AHCTF1: variants seen among roughly 807,000 people sequenced by gnomAD.
AHCTF1 encodes protein ELYS.
In AHCTF1, 24 loss-of-function variants were observed where a neutral mutation model predicts 248.4. The ratio of observed to expected loss-of-function variants is 0.10; its 90% CI spans 0.07 to 0.14. The LOEUF is 0.14. Among genes scored for constraint, AHCTF1 ranks in the 10% least tolerant of loss-of-function variants. The probability of loss-of-function intolerance (pLI) is 1.00; values close to 1 mark genes in which losing one functional copy is unlikely to be tolerated. For missense variants in AHCTF1, 2,206 were observed against 2,636.2 expected (o/e 0.84, Z 3.57); for synonymous variants, 786 against 929.8 (o/e 0.85, Z 2.81).
At chr1:246,869,257 C>T (rs897389955) in intron 24 of AHCTF1, among the ~76,000 whole-genome samples, 6 of 152,082 alleles carry the variant, frequency 3.9e-5, no homozygotes, top group South Asian at 2.1e-4. Context: ...ACTGTTCCCC[C>T]GCGTCTCTCC....
chr1:246,929,328 G>T (rs1167558095), intron 1 of AHCTF1, among the ~76,000 whole-genome samples: 1 of 152,174 alleles, frequency 6.6e-6, no homozygotes, highest in Non-Finnish European at 1.5e-5. Context: ...AGAATCGCTT[G>T]AGCCCTGGAG....
At chr1:246,924,152 C>T (rs189251390) in intron 1 of AHCTF1, among the ~76,000 whole-genome samples, 113 of 152,200 alleles carry the variant, frequency 7.4e-4, no homozygotes, top group Non-Finnish European at 1.4e-3. Flanking sequence ...CAAACTGAAA[C>T]CTGTGGTAAA....
chr1:246,901,165 C>A (rs529403161), intron 8 of AHCTF1, among the ~76,000 whole-genome samples: 1 of 151,994 alleles, frequency 6.6e-6, no homozygotes, highest in Admixed American at 6.6e-5. Flanking sequence ...ACAGCAAAAA[C>A]CTCATCTCTA....
rs1476104465 is a variant in AHCTF1 at position 246,843,490 on chromosome 1, G to C, written c.6525+305C>G. Among the ~76,000 whole-genome samples the C allele has an allele frequency of 2.6e-5, 4 of 152,076 alleles. No individual in the cohort carries two copies. In the East Asian group the frequency reaches 7.7e-4, roughly 29 times the overall value. ...CAACTATTTCTTTAAAAAACACCCA[G>C]GTAATTCTGATGGACACTAGAATTT... On this transcript the variant is annotated intron_variant, in intron 34 of 35. Transcript: ENST00000648844.
intron 33 of AHCTF1, among the ~76,000 whole-genome samples, chr1:246,848,390 A>G (rs1660442537): frequency 6.7e-6 from 1 of 150,364 alleles, no homozygotes; most frequent in Non-Finnish European, 1.5e-5. Flanking sequence ...ATTTCTTTGT[A>G]TTTTTTTTAG....
Position 246,918,337 on chromosome 1 carries a change from G to C in AHCTF1, c.34C>G (p.Leu12Val). Residue 12 changes from leucine (L) to valine (V), a missense_variant, in exon 2 of 36, where the codon CTC becomes GTC. Leu to Val is a conservative substitution (Grantham distance 32). Transcript: ENST00000648844. ...RDLRAQVTSG[L>V]LPFPEVTLQA... The stretch of plus-strand genomic sequence containing the variant: ...AGAGTCACTTCTGGAAATGGCAGGA[G>C]ACCACTAGTCACTTGAGCTCTTAAG... 2.5e-6 allele frequency: 4 copies of C among 1,612,936 alleles called. No homozygotes were observed. The highest frequency in any genetic ancestry group is 2.5e-6 in the Non-Finnish European group (3 of 1,179,538).
chr1:246,849,853 C>G lies in AHCTF1; in HGVS notation c.6153G>C (p.Lys2051Asn). ...AACGTTTTTGGCTTTGACTTTCAGT[C>G]TTTTTTGTAAGTTTTTTCTTAGAGC... ...VMSSKKKLTK[K>N]TESQSQKRSL... The change falls in exon 33 of 36, where the codon AAG becomes AAC. Residue 2051 changes from lysine (K) to asparagine (N), a missense_variant. Lys to Asn is a moderately conservative substitution (Grantham distance 94, BLOSUM62 0). Transcript: ENST00000648844. 6.2e-7 allele frequency: 1 copy of G among 1,613,826 alleles called. No individual in the cohort carries two copies. The highest frequency in any genetic ancestry group is 1.1e-5 in the South Asian group (1 of 91,076).
At chr1:246,842,374 G>A (rs1242288331) in intron 35 of AHCTF1, among the ~76,000 whole-genome samples, 1 of 151,956 alleles carries the variant, frequency 6.6e-6, no homozygotes, top group Non-Finnish European at 1.5e-5. Context: ...TTGAGACCAG[G>A]AGTTTGAGAC....
chr1:246,920,654 C>T lies in AHCTF1; in HGVS notation c.-7-2277G>A, dbSNP rs146554120. ...GCGTGGTGGCGGGCGCCTGTAGTTC[C>T]AGCTACTCGGGAGGCTGAGGCAGGA... On this transcript the variant is annotated intron_variant, in intron 1 of 35. Transcript: ENST00000648844. Among the ~76,000 whole-genome samples the T allele has an allele frequency of 6.9e-3, 1,051 of 151,946 alleles. 10 individuals carry two copies. The highest frequency in any genetic ancestry group is 0.024 in the African/African-American group (997 of 41,428).
At chr1:246,899,388 T>C in intron 11 of AHCTF1, 63 bp downstream of exon 11, 1 of 1,352,146 alleles carries the variant, frequency 7.4e-7, no homozygotes. Context: ...CTTAAATCCA[T>C]AAATCAACTA....
At chr1:246,864,477 T>A (rs1691251) in intron 26 of AHCTF1, among the ~76,000 whole-genome samples, 2 of 151,998 alleles carry the variant, frequency 1.3e-5, no homozygotes, top group Non-Finnish European at 2.9e-5. Flanking sequence ...CCTGGCAATC[T>A]ATTTACTAAA....
intron 1 of AHCTF1, among the ~76,000 whole-genome samples, chr1:246,923,551 G>A (rs1278707346): frequency 6.6e-6 from 1 of 152,220 alleles, no homozygotes; most frequent in Non-Finnish European, 1.5e-5. Flanking sequence ...AAGTTCAGCA[G>A]ATGGTAAAAA....
At chr1:246,863,887 T>C in intron 27 of AHCTF1, 37 bp downstream of exon 27, 1 of 1,593,676 alleles carries the variant, frequency 6.3e-7, no homozygotes. Flanking sequence ...AAGAGCCATC[T>C]AGTTTGATTG....
At chr1:246,860,053 A>G (rs543662653) in intron 29 of AHCTF1, among the ~76,000 whole-genome samples, 15 of 152,076 alleles carry the variant, frequency 9.9e-5, no homozygotes, top group Non-Finnish European at 1.8e-4. Flanking sequence ...CGAGGTCAGG[A>G]GTTCGAGACC....
At chr1:246,931,265 C>A (rs1331127611) in intron 1 of AHCTF1, 36 of 1,548,916 alleles carry the variant, frequency 2.3e-5, no homozygotes, top group Non-Finnish European at 2.6e-5. Context: ...CGGCCCCGGC[C>A]GTCCGTAAAG....
intron 32 of AHCTF1, among the ~76,000 whole-genome samples, 159 bp downstream of exon 32, chr1:246,852,932 A>C (rs1262588158): frequency 1.3e-5 from 2 of 152,136 alleles, no homozygotes; most frequent in Non-Finnish European, 2.9e-5. Flanking sequence ...ATATTCCACA[A>C]AAGATTTATA....
chr1:246,891,071 G>C lies in AHCTF1; in HGVS notation c.1946-11C>G, dbSNP rs896309080. On this transcript the variant is annotated splice_polypyrimidine_tract_variant and intron_variant, in intron 15 of 35. Coordinates refer to ENST00000648844, the MANE Select transcript of AHCTF1 (RefSeq NM_001323342.2). ...TTAAGTCTATCAGTCCTGTAAAGAA[G>C]AGTTAACATCAGTTGTTTACTTACA... is the stretch of plus-strand genomic sequence containing the variant. 3.3e-6 allele frequency: 5 copies of C among 1,520,316 alleles called. No individual in the cohort carries two copies. Among genetic ancestry groups the C allele is most frequent in the Non-Finnish European group, 4.4e-6 (5 of 1,137,440 alleles). 94.2% of individuals were successfully genotyped at this position (1,520,316 alleles called of 1,614,324 possible). A position where few individuals can be genotyped will look rare whatever the true frequency, so the allele number is the denominator to read the frequency against.
chr1:246,861,021 G>T lies in AHCTF1; in HGVS notation c.4010C>A (p.Ala1337Asp). 6.2e-7 allele frequency: 1 copy of T among 1,613,920 alleles called. No individual in the cohort carries two copies. The highest frequency in any genetic ancestry group is 8.5e-7 in the Non-Finnish European group (1 of 1,179,866). The change falls in exon 29 of 36, where the codon GCC becomes GAC. Residue 1337 changes from alanine (A) to aspartate (D), a missense_variant. Ala to Asp is a moderately radical substitution (Grantham distance 126). Around this residue, in one of 6 missense-constraint regions of AHCTF1, gnomAD observed 955 missense variants for 1,055.6 expected, o/e 0.90. Coordinates refer to ENST00000648844, the MANE Select transcript of AHCTF1 (RefSeq NM_001323342.2). Reference protein sequence around the residue: ...PEDLEETVFTASKPKSSSTAL... With the variant: ...PEDLEETVFTDSKPKSSSTAL... The stretch of plus-strand genomic sequence containing the variant: ...AGTGGAAGAGCTTTTGGGCTTAGAG[G>T]CCGTGAAAACAGTCTCTTCAAGGTC...
intron 21 of AHCTF1, among the ~76,000 whole-genome samples, chr1:246,879,271 C>G (rs1663218721): frequency 6.6e-6 from 1 of 152,000 alleles, no homozygotes; most frequent in Admixed American, 6.6e-5. Flanking sequence ...GATGAAGAGA[C>G]AAAAAATATC....
Sources: allele counts gnomAD v4.1 joint callset (sites outside exome capture counted in the v4.1 genomes callset), GRCh38; gene constraint gnomAD v4.1.1; regional missense constraint gnomAD v4.1.1; transcripts MANE v1.5; gene names NCBI Gene and HGNC (gene_info 2026-07-23, HGNC 2026-07-21).